HERC1: variants seen among roughly 807,000 people sequenced by gnomAD.
HERC1 encodes the protein HECT and RLD domain containing E3 ubiquitin protein ligase family member 1.
A neutral mutation model predicts 554.3 loss-of-function variants in HERC1; 160 were observed. The observed-to-expected ratio is 0.29, with a 90% CI of 0.25 to 0.33. HERC1 has a LOEUF of 0.33. HERC1 is among the 10% of genes least tolerant of loss of function. The pLI is 1.00. For synonymous variants in HERC1, 2,175 were observed against 2,131.7 expected (o/e 1.02, Z -0.56); for missense variants, 4,919 against 5,918.5 (o/e 0.83, Z 5.54).
Position 63,659,955 on chromosome 15 carries a change from A to C in HERC1, c.9224-19T>G. 2.6e-6 allele frequency: 4 copies of C among 1,526,354 alleles called. No individual in the cohort carries two copies. The highest frequency in any genetic ancestry group is 3.6e-6 in the Non-Finnish European group (4 of 1,107,808). 94.6% of individuals were successfully genotyped at this position (1,526,354 alleles called of 1,614,324 possible). A position where few individuals can be genotyped will look rare whatever the true frequency, so the allele number is the denominator to read the frequency against. On this transcript the variant is annotated intron_variant, in intron 46 of 77. Coordinates refer to ENST00000443617, the MANE Select transcript of HERC1 (RefSeq NM_003922.4). ...CAGTCTTCTGGAATTTAAATAAATAAATGTATAGTATGTGAATTTAAATAT... is the reference window on the plus strand; with the variant it reads ...CAGTCTTCTGGAATTTAAATAAATACATGTATAGTATGTGAATTTAAATAT...
intron 42 of HERC1, among the ~76,000 whole-genome samples, chr15:63,665,462 G>A (rs911469803): frequency 6.6e-6 from 1 of 152,154 alleles, no homozygotes; most frequent in Non-Finnish European, 1.5e-5. Flanking sequence ...AACCGGGGAG[G>A]CGGAGGTTGC....
chr15:63,785,738 C>T (rs2076417685), intron 1 of HERC1, among the ~76,000 whole-genome samples: 6 of 151,878 alleles, frequency 4.0e-5, no homozygotes, highest in Admixed American at 3.9e-4. Context: ...TACTACACTG[C>T]AGCCTGGTCA....
intron 1 of HERC1, among the ~76,000 whole-genome samples, chr15:63,815,716 C>T (rs1434373600): frequency 6.6e-6 from 1 of 152,148 alleles, no homozygotes. Context: ...TGTTCAAATC[C>T]TCTAACCTAA....
chr15:63,728,248 CT>C (rs1380196639), intron 16 of HERC1, among the ~76,000 whole-genome samples: 1 of 152,188 alleles, frequency 6.6e-6, no homozygotes, highest in African/African-American at 2.4e-5. Context: ...TCCTGTCCCC[CT>C]GGTGCTTACC....
At chr15:63,651,207 TA>T in intron 53 of HERC1, 45 bp downstream of exon 53, 3 of 1,593,506 alleles carry the variant, frequency 1.9e-6, no homozygotes, top group East Asian at 4.5e-5. Flanking sequence ...AAGAAGGCTT[TA>T]AAAAACTACT....
chr15:63,827,578 T>C (rs1175519403), intron 1 of HERC1, among the ~76,000 whole-genome samples: 1 of 152,114 alleles, frequency 6.6e-6, no homozygotes, highest in African/African-American at 2.4e-5. Flanking sequence ...GAAAACAATC[T>C]GGCAGTTGCT....
rs774796977 is a variant in HERC1 at position 63,659,952 on chromosome 15, A to G, written c.9224-16T>C. 1.3e-6 allele frequency: 2 copies of G among 1,540,680 alleles called. No homozygotes were observed. The highest frequency in any genetic ancestry group is 1.8e-6 in the Non-Finnish European group (2 of 1,119,160). ...TCCCAGTCTTCTGGAATTTAAATAA[A>G]TAAATGTATAGTATGTGAATTTAAA... is the stretch of plus-strand genomic sequence containing the variant. On this transcript the variant is annotated splice_polypyrimidine_tract_variant and intron_variant, in intron 46 of 77. Coordinates refer to ENST00000443617, the MANE Select transcript of HERC1 (RefSeq NM_003922.4).
intron 25 of HERC1, among the ~76,000 whole-genome samples, chr15:63,704,766 T>C: frequency 7.2e-6 from 1 of 139,528 alleles, no homozygotes; most frequent in East Asian, 2.0e-4. Context: ...TGAGATGGAG[T>C]CTCGCTCTGT....
intron 69 of HERC1, 75 bp from the exon 70 acceptor site, chr15:63,628,890 AGATG>A (rs1358433842): frequency 2.9e-6 from 4 of 1,369,674 alleles, no homozygotes; most frequent in Non-Finnish European, 4.1e-6. Context: ...AATTTTTCTT[AGATG>A]GTGGCAGACA....
chr15:63,818,951 T>C (rs2077590246), intron 1 of HERC1, among the ~76,000 whole-genome samples: 1 of 152,222 alleles, frequency 6.6e-6, no homozygotes, highest in Non-Finnish European at 1.5e-5. Context: ...AGAATTATAG[T>C]TTTAATCTAA....
At chr15:63,714,198 A>C (rs1459143418) in intron 22 of HERC1, among the ~76,000 whole-genome samples, 1 of 152,160 alleles carries the variant, frequency 6.6e-6, no homozygotes, top group Non-Finnish European at 1.5e-5. Context: ...AGGTTTCAAA[A>C]GAAAAAAAAA....
rs777902425 is a variant in HERC1 at position 63,612,593 on chromosome 15, C to T, written c.14095-37G>A. 6.3e-6 allele frequency: 10 copies of T among 1,584,258 alleles called. No individual in the cohort carries two copies. The South Asian group carries it at 1.0e-4, about 17-fold the overall frequency. On this transcript the variant is annotated intron_variant, in intron 76 of 77. Transcript: ENST00000443617. This position sits in a 1 kb window ranked among gnomAD's most constrained non-coding sequence, Gnocchi z 5.0. ...AGAGGTTGCTCATTCAATGAGTGTGCGTGAACCTGGCACCCACCAAGGGCC... is the reference window on the plus strand; with the variant it reads ...AGAGGTTGCTCATTCAATGAGTGTGTGTGAACCTGGCACCCACCAAGGGCC...
At chr15:63,637,424 T>C (rs542352766) in intron 64 of HERC1, 81 bp downstream of exon 64, 2 of 1,210,842 alleles carry the variant, frequency 1.7e-6, no homozygotes, top group Non-Finnish European at 2.3e-6. Context: ...TAGCAAAGGT[T>C]TGAGAAGGGC....
intron 22 of HERC1, among the ~76,000 whole-genome samples, chr15:63,716,053 C>A (rs2073539376): frequency 6.6e-6 from 1 of 152,114 alleles, no homozygotes; most frequent in Admixed American, 6.5e-5. Flanking sequence ...TGATGAGGCT[C>A]AGTGAAGCAG....
At chr15:63,738,268 C>T (rs2074632931) in intron 12 of HERC1, among the ~76,000 whole-genome samples, 1 of 151,970 alleles carries the variant, frequency 6.6e-6, no homozygotes, top group African/African-American at 2.4e-5. Context: ...CAAAGAAAGA[C>T]TAAGGAATTG....
chr15:63,671,334 T>C (rs115788175), intron 39 of HERC1, among the ~76,000 whole-genome samples: 4,762 of 151,148 alleles, frequency 0.032, 244 homozygotes, highest in African/African-American at 0.11. Context: ...ACTGTGCTGC[T>C]GTAATCCAGT....
intron 3 of HERC1, among the ~76,000 whole-genome samples, chr15:63,761,200 T>C (rs940791436): frequency 6.6e-6 from 1 of 152,030 alleles, no homozygotes; most frequent in African/African-American, 2.4e-5. Context: ...CCTCAAACTA[T>C]CAAAAAGAAT....
At chr15:63,795,110 T>TC (rs2076774431) in intron 1 of HERC1, among the ~76,000 whole-genome samples, 1 of 151,644 alleles carries the variant, frequency 6.6e-6, no homozygotes, top group Admixed American at 6.6e-5. Context: ...TCATCCTTTT[T>TC]CCTACTTGAA....
At chr15:63,624,004 C>G in intron 72 of HERC1, 114 bp from the exon 73 acceptor site, 1 of 1,292,748 alleles carries the variant, frequency 7.7e-7, no homozygotes, top group East Asian at 2.3e-5. Flanking sequence ...AAGCACTGTG[C>G]TAGGCCCACT....
Sources: gnomAD v4.1 joint callset for allele counts (sites outside exome capture counted in the v4.1 genomes callset) on GRCh38, gnomAD v4.1.1 for gene constraint, Gnocchi (gnomAD v3.1) non-coding constraint, MANE v1.5 for transcripts, NCBI Gene and HGNC (gene_info 2026-07-23, HGNC 2026-07-21) for gene names.